Variants in PCDH15 observed in about 807,000 individuals in gnomAD.
The protein encoded by PCDH15 is protocadherin-15.
Under a neutral mutation model 178.5 loss-of-function variants are expected in PCDH15, and 129 were observed. That is an observed-to-expected ratio of 0.72 (90% confidence interval 0.63 to 0.84). The LOEUF is 0.84. Among genes scored for constraint, PCDH15 ranks in the 40% least tolerant of loss-of-function variants. PCDH15 has a pLI of 0.00. For synonymous variants in PCDH15, 800 were observed against 732.0 expected (o/e 1.09, Z -1.50); for missense variants, 2,230 against 2,099.9 (o/e 1.06, Z -1.21).
intron 2 of PCDH15, among the ~76,000 whole-genome samples, chr10:55,150,569 T>C (rs987727467): frequency 6.6e-6 from 1 of 152,142 alleles, no homozygotes; most frequent in Non-Finnish European, 1.5e-5. Flanking sequence ...ATAAATTTGA[T>C]ATGATTTCAC....
chr10:53,876,577 A>C (rs2080263098), intron 26 of PCDH15, among the ~76,000 whole-genome samples: 1 of 152,102 alleles, frequency 6.6e-6, no homozygotes, highest in South Asian at 2.1e-4. Flanking sequence ...TGAATAAGAA[A>C]AATGTCAGGT....
intron 1 of PCDH15, among the ~76,000 whole-genome samples, chr10:55,224,600 G>T (rs895665569): frequency 1.3e-5 from 2 of 152,110 alleles, no homozygotes. Flanking sequence ...ACAGAAGCGT[G>T]CAAGGCCCTG....
intron 3 of PCDH15, among the ~76,000 whole-genome samples, chr10:54,426,740 A>T (rs1371431359): frequency 6.6e-6 from 1 of 152,114 alleles, no homozygotes; most frequent in East Asian, 1.9e-4. Flanking sequence ...ACTGTCTTAC[A>T]TCATACCTCT....
At chr10:54,039,325 T>C (rs761158854) in intron 18 of PCDH15, among the ~76,000 whole-genome samples, 12 of 151,904 alleles carry the variant, frequency 7.9e-5, no homozygotes, top group Non-Finnish European at 1.3e-4. Context: ...AAAGATGAGC[T>C]GGACATAATT....
At chr10:54,666,716 A>C (rs539955471) in intron 1 of PCDH15, among the ~76,000 whole-genome samples, 1 of 152,190 alleles carries the variant, frequency 6.6e-6, no homozygotes, top group East Asian at 1.9e-4. Flanking sequence ...AAACCAGAAA[A>C]GATATGTATT....
intron 2 of PCDH15, among the ~76,000 whole-genome samples, chr10:54,926,074 G>A (rs1837617323): frequency 6.6e-6 from 1 of 152,016 alleles, no homozygotes; most frequent in Non-Finnish European, 1.5e-5. Flanking sequence ...GTATGATGTT[G>A]GCTGTGGGTT....
At chr10:55,610,900 C>G (rs1292224039) in intron 2 of PCDH15, among the ~76,000 whole-genome samples, 1 of 151,940 alleles carries the variant, frequency 6.6e-6, no homozygotes, top group African/African-American at 2.4e-5. Context: ...GATGTTTTAG[C>G]TAAAAAGAGT....
chr10:54,874,087 G>A (rs1281237083), intron 3 of PCDH15, among the ~76,000 whole-genome samples: 1 of 62,802 alleles, frequency 1.6e-5, no homozygotes, highest in Non-Finnish European at 2.9e-5. Context: ...TCGTCATCTA[G>A]CATTAGGTAT....
intron 3 of PCDH15, among the ~76,000 whole-genome samples, chr10:54,459,646 A>G (rs2136431842): frequency 6.6e-6 from 1 of 152,262 alleles, no homozygotes; most frequent in South Asian, 2.1e-4. Flanking sequence ...CAGGATAGAA[A>G]TAAGAAAAAT....
chr10:54,387,643 A>G (rs1950082521), intron 3 of PCDH15, among the ~76,000 whole-genome samples: 1 of 152,154 alleles, frequency 6.6e-6, no homozygotes, highest in Non-Finnish European at 1.5e-5. Context: ...CATCCAGACA[A>G]TGAGATGCAG....
intron 2 of PCDH15, among the ~76,000 whole-genome samples, chr10:55,030,394 TA>T (rs1840580582): frequency 1.3e-5 from 2 of 152,196 alleles, no homozygotes; most frequent in Non-Finnish European, 2.9e-5. Flanking sequence ...AGTTGAGGGA[TA>T]TTTTGTAGAA....
intron 6 of PCDH15, among the ~76,000 whole-genome samples, chr10:54,336,783 C>G (rs1219384485): frequency 6.6e-6 from 1 of 152,194 alleles, no homozygotes; most frequent in Non-Finnish European, 1.5e-5. Context: ...GGCGCACTGC[C>G]TAGTGAAGCT....
At chr10:53,960,346 T>C (rs888442865) in intron 22 of PCDH15, among the ~76,000 whole-genome samples, 2 of 152,152 alleles carry the variant, frequency 1.3e-5, no homozygotes, top group African/African-American at 2.4e-5. Context: ...TACTTTACTC[T>C]AGAGGATAAA....
chr10:54,653,043 G>T lies in PCDH15; in HGVS notation c.91+11129C>A, dbSNP rs191538713. On this transcript the variant is annotated intron_variant, in intron 2 of 37. Coordinates refer to ENST00000644397, the MANE Select transcript of PCDH15 (RefSeq NM_001384140.1). ...TGATGTACCAGAAAATGACACATAG[G>T]TATTGTATGCTTTGCCTTATTTGAA... Among the ~76,000 whole-genome samples the T allele has an allele frequency of 3.4e-3, 510 of 152,158 alleles. 11 individuals are homozygous for T. Among genetic ancestry groups the T allele is most frequent in the Non-Finnish European group, 6.8e-4 (46 of 68,000 alleles).
At chr10:54,816,691 A>G (rs1283783282) in intron 3 of PCDH15, among the ~76,000 whole-genome samples, 1 of 152,112 alleles carries the variant, frequency 6.6e-6, no homozygotes, top group Non-Finnish European at 1.5e-5. Flanking sequence ...TGAATGTTTC[A>G]CAATAGAGTA....
intron 3 of PCDH15, among the ~76,000 whole-genome samples, chr10:54,468,680 T>A (rs775087612): frequency 6.6e-6 from 1 of 152,186 alleles, no homozygotes; most frequent in Non-Finnish European, 1.5e-5. Context: ...AAAGTGCAAT[T>A]TAAAGGCAAT....
chr10:54,932,145 T>C (rs1473474030), intron 2 of PCDH15, among the ~76,000 whole-genome samples: 2 of 152,214 alleles, frequency 1.3e-5, no homozygotes, highest in Admixed American at 6.5e-5. Flanking sequence ...TAAAAAAAGT[T>C]AACTGTAAAA....
chr10:55,585,801 T>G (rs913100267), intron 2 of PCDH15, among the ~76,000 whole-genome samples: 5 of 151,996 alleles, frequency 3.3e-5, no homozygotes, highest in Non-Finnish European at 5.9e-5. Context: ...GAGAGAGAGA[T>G]AGACTGTTCT....
intron 20 of PCDH15, among the ~76,000 whole-genome samples, chr10:54,004,912 T>G (rs1464288529): frequency 2.0e-5 from 3 of 149,426 alleles, no homozygotes; most frequent in Non-Finnish European, 1.5e-5. Flanking sequence ...TTAAATAATA[T>G]TACAGAGCTA....
Sources: allele counts gnomAD v4.1 joint callset (sites outside exome capture counted in the v4.1 genomes callset), GRCh38; gene constraint gnomAD v4.1.1; transcripts MANE v1.5; gene names NCBI Gene and HGNC (gene_info 2026-07-23, HGNC 2026-07-21).